Variants in BHLHE22 observed in about 807,000 individuals in gnomAD.
BHLHE22 encodes the protein class E basic helix-loop-helix protein 22.
In BHLHE22, 8 loss-of-function variants were observed where a neutral mutation model predicts 17.6. That is an observed-to-expected ratio of 0.45 (90% CI 0.27 to 0.82). The LOEUF is 0.82. Among genes scored for constraint, BHLHE22 ranks in the 40% least tolerant of loss-of-function variants. BHLHE22 has a pLI of 0.16. For synonymous variants in BHLHE22, 353 were observed against 282.7 expected, an observed-to-expected ratio of 1.25 and a Z score of -2.49; for missense variants, 570 against 581.5, an observed-to-expected ratio of 0.98 and a Z score of 0.20.
chr8:64,583,114 C>A lies in BHLHE22; in HGVS notation c.*1178C>A, dbSNP rs1461872940. The A allele has an allele frequency of 6.0e-6, 1 of 166,992 alleles. No individual in the cohort carries two copies. The highest frequency in any genetic ancestry group is 6.5e-5 in the Admixed American group (1 of 15,278). 10.3% of individuals were successfully genotyped at this position (166,992 alleles called of 1,614,324 possible). A position where few individuals can be genotyped will look rare whatever the true frequency, so the allele number is the denominator to read the frequency against. ...TTGCTATACGTAAGAACATGCTAAG[C>A]AAATATTTTTCCAGGCTGTGCTGTG... On this transcript the variant is annotated 3_prime_UTR_variant, in exon 1 of 1. Transcript: ENST00000321870.
chr8:64,581,801 G>A lies in BHLHE22; in HGVS notation c.1011G>A (p.Ala337=). Residue 337 remains alanine (A), a synonymous_variant, in exon 1 of 1, where the codon GCG becomes GCA. Coordinates refer to ENST00000321870, the MANE Select transcript of BHLHE22 (RefSeq NM_152414.5). This position sits in a 1 kb window ranked among gnomAD's most constrained non-coding sequence, Gnocchi z 6.4. The stretch of plus-strand genomic sequence containing the variant: ...CAGCAGCTGCTGCCCTGCACCCGGC[G>A]CTCGGCGCCTACGAGCAGGCAGCCG... ...AAAAAAALHP[A]LGAYEQAAGY... The A allele has an allele frequency of 6.3e-7, 1 of 1,591,236 alleles. No individual in the cohort carries two copies. The highest frequency in any genetic ancestry group is 8.5e-7 in the Non-Finnish European group (1 of 1,172,692).
Position 64,581,169 on chromosome 8 carries a change from C to A in BHLHE22, c.379C>A (p.Leu127Ile). ...SSLPAGAALC[L>I]KYGESASRGS... Reference sequence around the variant, plus strand: ...CCTGCCGGCCGGGGCCGCCCTTTGCCTCAAGTACGGCGAAAGCGCGAGCCG... The same window carrying A: ...CCTGCCGGCCGGGGCCGCCCTTTGCATCAAGTACGGCGAAAGCGCGAGCCG... The change falls in exon 1 of 1, where the codon CTC becomes ATC. Residue 127 changes from leucine (L) to isoleucine (I), a missense_variant. Physicochemically the swap from Leu to Ile is conservative, Grantham distance 5 (BLOSUM62 2). Coordinates refer to ENST00000321870, the MANE Select transcript of BHLHE22 (RefSeq NM_152414.5). The surrounding 1 kb of genome is among the most constrained non-coding windows in gnomAD (Gnocchi z 6.4). The A allele has an allele frequency of 7.0e-7, 1 of 1,423,460 alleles. No individual in the cohort carries two copies. The highest frequency in any genetic ancestry group is 2.8e-5 in the East Asian group (1 of 35,838). 88.2% of individuals were successfully genotyped at this position (1,423,460 alleles called of 1,614,324 possible). A position where few individuals can be genotyped will look rare whatever the true frequency, so the allele number is the denominator to read the frequency against.
chr8:64,581,529 A>G lies in BHLHE22; in HGVS notation c.739A>G (p.Ile247Val). 6.2e-7 allele frequency: 1 copy of G among 1,607,634 alleles called. No individual in the cohort carries two copies. Among genetic ancestry groups the G allele is most frequent in the South Asian group, 1.1e-5 (1 of 90,794 alleles). The change falls in exon 1 of 1, where the codon ATC becomes GTC. Residue 247 changes from isoleucine (I) to valine (V), a missense_variant. By Grantham distance (29) the Ile-to-Val change is conservative. Coordinates refer to ENST00000321870, the MANE Select transcript of BHLHE22 (RefSeq NM_152414.5). This position sits in a 1 kb window ranked among gnomAD's most constrained non-coding sequence, Gnocchi z 6.4. ...AGAGCAAAAGGCGCTGCGGCTTAAC[A>G]TCAATGCCCGAGAGCGCCGGCGGAT... ...SKEQKALRLN[I>V]NARERRRMHD...
rs552866928 is a variant in BHLHE22 at position 64,581,027 on chromosome 8, G to T, written c.237G>T (p.Pro79=). ...AGGGGGCAGGGCTGCTGTTGCCGCC[G>T]CCTGGAGGAGGCGGCGGCGGCAGCG... ...DPEGAGLLLP[P]PGGGGGGSAG... Residue 79 remains proline (P), a synonymous_variant, in exon 1 of 1, where the codon CCG becomes CCT. Coordinates refer to ENST00000321870, the MANE Select transcript of BHLHE22 (RefSeq NM_152414.5). This position sits in a 1 kb window ranked among gnomAD's most constrained non-coding sequence, Gnocchi z 6.4. 9.1e-6 allele frequency: 12 copies of T among 1,323,274 alleles called. No individual in the cohort carries two copies. In the African/African-American group the frequency reaches 1.9e-4, roughly 21 times the overall value. The allele number at this position is 1,323,274 out of a possible 1,614,324, so 82.0% of individuals were successfully genotyped here.
Position 64,581,387 on chromosome 8 carries a change from C to G in BHLHE22, c.597C>G (p.Gly199=). ...GCGGCGCCAGCGTCCCCCCGGGGGG[C>G]CTGGGCGGCGGCGGCGGCGGGGGTA... ...LHGGASVPPG[G]LGGGGGGGSS... The change falls in exon 1 of 1, where the codon GGC becomes GGG. Residue 199 remains glycine (G), a synonymous_variant. Transcript: ENST00000321870. The surrounding 1 kb of genome is among the most constrained non-coding windows in gnomAD (Gnocchi z 6.4). The G allele has an allele frequency of 1.1e-5, 17 of 1,512,260 alleles. No individual in the cohort carries two copies. The highest frequency in any genetic ancestry group is 1.4e-5 in the Non-Finnish European group (16 of 1,136,622). 93.7% of individuals were successfully genotyped at this position (1,512,260 alleles called of 1,614,324 possible).
Position 64,582,041 on chromosome 8 carries a change from A to G in BHLHE22, c.*105A>G, listed in dbSNP as rs1804912644. On this transcript the variant is annotated 3_prime_UTR_variant, in exon 1 of 1. Transcript: ENST00000321870. ...CCTCTCGTAGTTGTGAAACACTTGCAGAGCAAACAAAGCAGAGGCAAGAAC... is the reference window on the plus strand; with the variant it reads ...CCTCTCGTAGTTGTGAAACACTTGCGGAGCAAACAAAGCAGAGGCAAGAAC... 41 of 1,363,550 alleles carry G rather than the reference A, an allele frequency of 3.0e-5. No homozygotes were observed. Among genetic ancestry groups the G allele is most frequent in the Non-Finnish European group, 4.1e-5 (41 of 998,232 alleles). The allele number at this position is 1,363,550 out of a possible 1,614,324, so 84.5% of individuals were successfully genotyped here.
At position 64,581,408 on chromosome 8, in the gene BHLHE22, G is replaced by GGGTAGCAGCAGC; in HGVS notation, c.627_638dup (p.Ser210_Ser213dup). The GGGTAGCAGCAGC allele has an allele frequency of 6.5e-7, 1 of 1,530,684 alleles. No homozygotes were observed. The allele number at this position is 1,530,684 out of a possible 1,614,324, so 94.8% of individuals were successfully genotyped here. On this transcript the variant is annotated inframe_insertion, in exon 1 of 1. Transcript: ENST00000321870. The surrounding 1 kb of genome is among the most constrained non-coding windows in gnomAD (Gnocchi z 6.4). Reference sequence around the variant, plus strand: ...GGGGCCTGGGCGGCGGCGGCGGCGGGGGTAGCAGCAGCGGTAGCAGTGGCG... The same window carrying GGGTAGCAGCAGC: ...GGGGCCTGGGCGGCGGCGGCGGCGGGGGTAGCAGCAGCGGTAGCAGCAGCGGTAGCAGTGGCG...
chr8:64,582,262 A>C lies in BHLHE22; in HGVS notation c.*326A>C. The C allele has an allele frequency of 2.5e-6, 1 of 392,540 alleles. No individual in the cohort carries two copies. Among genetic ancestry groups the C allele is most frequent in the South Asian group, 2.7e-5 (1 of 36,584 alleles). 24.3% of individuals were successfully genotyped at this position (392,540 alleles called of 1,614,324 possible). ...GGAATCTTCCTTAAAGGTGAAACAT[A>C]AGTTGAGAAGTAGTGCTTGGTTATT... On this transcript the variant is annotated 3_prime_UTR_variant, in exon 1 of 1. Coordinates refer to ENST00000321870, the MANE Select transcript of BHLHE22 (RefSeq NM_152414.5).
chr8:64,581,153 CG>C lies in BHLHE22; in HGVS notation c.367del (p.Ala123ProfsTer42). The C allele has an allele frequency of 1.4e-6, 2 of 1,409,912 alleles. No individual in the cohort carries two copies. The highest frequency in any genetic ancestry group is 1.8e-6 in the Non-Finnish European group (2 of 1,092,334). The allele number at this position is 1,409,912 out of a possible 1,614,324, so 87.3% of individuals were successfully genotyped here. ...GDPSLSSLPA[G>X]AALCLKYGES... The stretch of plus-strand genomic sequence containing the variant: ...ACCCTAGCCTAAGCAGCCTGCCGGC[CG>C]GGGCCGCCCTTTGCCTCAAGTACGG... On this transcript the variant is annotated frameshift_variant, in exon 1 of 1. Transcript: ENST00000321870. LOFTEE classifies it high-confidence loss of function. This position sits in a 1 kb window ranked among gnomAD's most constrained non-coding sequence, Gnocchi z 6.4.
Position 64,581,981 on chromosome 8 carries a change from A to C in BHLHE22, c.*45A>C, listed in dbSNP as rs745585991. The C allele has an allele frequency of 1.3e-6, 2 of 1,592,302 alleles. No individual in the cohort carries two copies. The highest frequency in any genetic ancestry group is 1.7e-6 in the Non-Finnish European group (2 of 1,170,592). On this transcript the variant is annotated 3_prime_UTR_variant, in exon 1 of 1. Coordinates refer to ENST00000321870, the MANE Select transcript of BHLHE22 (RefSeq NM_152414.5). This position sits in a 1 kb window ranked among gnomAD's most constrained non-coding sequence, Gnocchi z 6.4. ...AAGACCGACCCAAAATCTAGAGGAA[A>C]GCGAAAAGCTGCTCCCCACCCCCTT...
In BHLHE22 at chr8:64,582,019, C is replaced by T. The variant is rs1375358721; in HGVS notation, c.*83C>T. 4 of 1,487,792 alleles carry T rather than the reference C, an allele frequency of 2.7e-6. No homozygotes were observed. The highest frequency in any genetic ancestry group is 2.9e-5 in the African/African-American group (2 of 69,890). The allele number at this position is 1,487,792 out of a possible 1,614,324, so 92.2% of individuals were successfully genotyped here. ...TCCCCACCCCCTTTATTTTGGTCCTCTCGTAGTTGTGAAACACTTGCAGAG... is the reference window on the plus strand; with the variant it reads ...TCCCCACCCCCTTTATTTTGGTCCTTTCGTAGTTGTGAAACACTTGCAGAG... On this transcript the variant is annotated 3_prime_UTR_variant, in exon 1 of 1. Coordinates refer to ENST00000321870, the MANE Select transcript of BHLHE22 (RefSeq NM_152414.5).
In BHLHE22 at chr8:64,581,507, G is replaced by A. The variant is rs1563531194; in HGVS notation, c.717G>A (p.Glu239=). The stretch of plus-strand genomic sequence containing the variant: ...GCAGCAGCAGCAAGAAATCCAAAGA[G>A]CAAAAGGCGCTGCGGCTTAACATCA... ...SSSSSSKKSK[E]QKALRLNINA... is the part of the protein sequence containing the mutation. The change falls in exon 1 of 1, where the codon GAG becomes GAA. Residue 239 remains glutamate (E), a synonymous_variant. Transcript: ENST00000321870. This position sits in a 1 kb window ranked among gnomAD's most constrained non-coding sequence, Gnocchi z 6.4. 2 of 1,597,216 alleles carry A rather than the reference G, an allele frequency of 1.3e-6. No individual in the cohort carries two copies. Among genetic ancestry groups the A allele is most frequent in the Admixed American group, 1.7e-5 (1 of 58,902 alleles).
At position 64,580,818 on chromosome 8, in the gene BHLHE22, G is replaced by C. The variant is rs2129629345; in HGVS notation, c.28G>C (p.Ala10Pro). The C allele has an allele frequency of 6.9e-7, 1 of 1,445,960 alleles. No homozygotes were observed. The highest frequency in any genetic ancestry group is 3.0e-5 in the East Asian group (1 of 32,884). 89.6% of individuals were successfully genotyped at this position (1,445,960 alleles called of 1,614,324 possible). A position where few individuals can be genotyped will look rare whatever the true frequency, so the allele number is the denominator to read the frequency against. The part of the protein sequence containing the change: MERGMHLGA[A>P]AAGEDDLFLH... ...GGAGCGCGGGATGCACCTCGGTGCAGCGGCCGCCGGCGAGGACGACCTCTT... is the reference window on the plus strand; with the variant it reads ...GGAGCGCGGGATGCACCTCGGTGCACCGGCCGCCGGCGAGGACGACCTCTT... The change falls in exon 1 of 1, where the codon GCG (alanine) becomes CCG (proline). Residue 10 changes from alanine (A) to proline (P), a missense_variant. By Grantham distance (27) the Ala-to-Pro change is conservative. Coordinates refer to ENST00000321870, the MANE Select transcript of BHLHE22 (RefSeq NM_152414.5).
rs943950828 is a variant in BHLHE22, at chr8:64,582,503, A to G, written c.*567A>G. The G allele has an allele frequency of 1.4e-5, 2 of 143,288 alleles. No individual in the cohort carries two copies. The highest frequency in any genetic ancestry group is 2.9e-5 in the African/African-American group (1 of 34,822). The allele number at this position is 143,288 out of a possible 1,614,324, so 8.9% of individuals were successfully genotyped here. ...CTTAAGTGAGGGGGAAATAAAACCC[A>G]GAGAGAGAGAGAGAGCGAGAGAGAG... is the stretch of plus-strand genomic sequence containing the variant. On this transcript the variant is annotated 3_prime_UTR_variant, in exon 1 of 1. Transcript: ENST00000321870.
chr8:64,580,762 C>A lies in BHLHE22; in HGVS notation c.-29C>A. 8.7e-7 allele frequency: 1 copy of A among 1,144,750 alleles called. No homozygotes were observed. The allele number at this position is 1,144,750 out of a possible 1,614,324, so 70.9% of individuals were successfully genotyped here. ...GCGGCGGCGGCGGCAGCGGGCGCGG[C>A]GGCCCGGGCTGCGCGCCGGCGCGGG... is the stretch of plus-strand genomic sequence containing the variant. On this transcript the variant is annotated 5_prime_UTR_variant, in exon 1 of 1. Transcript: ENST00000321870.
Position 64,583,593 on chromosome 8 carries a change from T to C in BHLHE22, c.*1657T>C, listed in dbSNP as rs1025244978. Reference sequence around the variant, plus strand: ...ACGACCATTTGTATGTGTATCTATGTCAGAAAGAATCTTTATTAAAATATT... The same window carrying C: ...ACGACCATTTGTATGTGTATCTATGCCAGAAAGAATCTTTATTAAAATATT... On this transcript the variant is annotated 3_prime_UTR_variant, in exon 1 of 1. Transcript: ENST00000321870. The C allele has an allele frequency of 6.0e-6, 1 of 167,128 alleles. No individual in the cohort carries two copies. The highest frequency in any genetic ancestry group is 2.4e-5 in the African/African-American group (1 of 41,462). The allele number at this position is 167,128 out of a possible 1,614,324, so 10.4% of individuals were successfully genotyped here.
At position 64,581,441 on chromosome 8, in the gene BHLHE22, C is replaced by T. The variant is rs955256361; in HGVS notation, c.651C>T (p.Gly217=). 2 of 1,534,914 alleles carry T rather than the reference C, an allele frequency of 1.3e-6. No homozygotes were observed. Among genetic ancestry groups the T allele is most frequent in the South Asian group, 2.4e-5 (2 of 83,972 alleles). The change falls in exon 1 of 1, where the codon GGC becomes GGT. Residue 217 remains glycine, a synonymous_variant. Coordinates refer to ENST00000321870, the MANE Select transcript of BHLHE22 (RefSeq NM_152414.5). This position sits in a 1 kb window ranked among gnomAD's most constrained non-coding sequence, Gnocchi z 6.4. The stretch of plus-strand genomic sequence containing the variant: ...GCAGCGGTAGCAGTGGCGGCGGTGG[C>T]GGTAGCGGTAGCGGCAGCGGCGGCA... ...GSSSGSSGGG[G]GSGSGSGGSS... is the part of the protein sequence containing the mutation.
chr8:64,580,783 G>A lies in BHLHE22; in HGVS notation c.-8G>A. 2 of 1,296,732 alleles carry A rather than the reference G, an allele frequency of 1.5e-6. No individual in the cohort carries two copies. The highest frequency in any genetic ancestry group is 1.6e-5 in the African/African-American group (1 of 63,480). The allele number at this position is 1,296,732 out of a possible 1,614,324, so 80.3% of individuals were successfully genotyped here. ...GCGGCGGCCCGGGCTGCGCGCCGGC[G>A]CGGGACCATGGAGCGCGGGATGCAC... On this transcript the variant is annotated 5_prime_UTR_variant, in exon 1 of 1. Transcript: ENST00000321870.
rs1804913681 is a variant in BHLHE22, at chr8:64,582,101, G to C, written c.*165G>C. 2 of 688,798 alleles carry C rather than the reference G, an allele frequency of 2.9e-6. No individual in the cohort carries two copies. Among genetic ancestry groups the C allele is most frequent in the South Asian group, 3.6e-5 (2 of 54,920 alleles). The allele number at this position is 688,798 out of a possible 1,614,324, so 42.7% of individuals were successfully genotyped here. On this transcript the variant is annotated 3_prime_UTR_variant, in exon 1 of 1. Transcript: ENST00000321870. ...GTATCAGAGACAAACGGGACTTTTA[G>C]CCTTGACATCCCCAGAATCTCGGTC...
Sources: allele counts gnomAD v4.1 joint callset, GRCh38; gene constraint gnomAD v4.1.1; non-coding constraint Gnocchi (gnomAD v3.1); transcripts MANE v1.5; gene names NCBI Gene and HGNC (gene_info 2026-07-23, HGNC 2026-07-21).